Variants in DEUP1 observed in about 807,000 individuals in gnomAD.
DEUP1 encodes deuterosome assembly protein 1.
DEUP1 carries 82 observed loss-of-function variants against 87.4 expected under a neutral mutation model. The observed-to-expected ratio is 0.94, with a 90% CI of 0.78 to 1.13. DEUP1 has a LOEUF of 1.13. Ranked by LOEUF, DEUP1 falls within the 50% of genes most tolerant of loss-of-function variation. The pLI is 0.00. For synonymous variants in DEUP1, 214 were observed against 222.7 expected (o/e 0.96, Z 0.35); for missense variants, 663 against 681.5 (o/e 0.97, Z 0.30).
At chr11:93,332,733 A>G (rs993560760) in intron 2 of DEUP1, among the ~76,000 whole-genome samples, 1 of 152,256 alleles carries the variant, frequency 6.6e-6, no homozygotes, top group African/African-American at 2.4e-5. Flanking sequence ...AGAACTAGAT[A>G]TCTTACCAAA....
At chr11:93,429,723 G>T (rs1467974731) in intron 13 of DEUP1, among the ~76,000 whole-genome samples, 1 of 152,110 alleles carries the variant, frequency 6.6e-6, no homozygotes, top group African/African-American at 2.4e-5. Context: ...ACCTAAAATA[G>T]GGTCAGCACT....
At chr11:93,401,683 C>A (rs1947123569) in intron 11 of DEUP1, among the ~76,000 whole-genome samples, 1 of 151,726 alleles carries the variant, frequency 6.6e-6, no homozygotes. Flanking sequence ...CAATGAGATA[C>A]CACTTCACAC....
chr11:93,397,743 T>C (rs1357988860), intron 11 of DEUP1, among the ~76,000 whole-genome samples: 4 of 152,180 alleles, frequency 2.6e-5, no homozygotes, highest in Non-Finnish European at 5.9e-5. Flanking sequence ...TTTGCTTGCA[T>C]ATGCACACAT....
At chr11:93,375,189 T>A (rs1945978219) in intron 7 of DEUP1, among the ~76,000 whole-genome samples, 1 of 152,194 alleles carries the variant, frequency 6.6e-6, no homozygotes, top group Admixed American at 6.5e-5. Flanking sequence ...AGGAGCTTTT[T>A]GGATGAATCT....
At chr11:93,368,528 G>A (rs901324046) in intron 5 of DEUP1, among the ~76,000 whole-genome samples, 7 of 152,154 alleles carry the variant, frequency 4.6e-5, no homozygotes, top group Non-Finnish European at 7.3e-5. Flanking sequence ...ATGTCTTCAC[G>A]TGGCCAACAG....
chr11:93,335,216 T>C (rs1011771977), intron 2 of DEUP1, among the ~76,000 whole-genome samples: 1 of 144,684 alleles, frequency 6.9e-6, no homozygotes, highest in African/African-American at 2.4e-5. Context: ...CTTTTTATTA[T>C]TACTTTTTAA....
chr11:93,332,006 A>C (rs1011783156), intron 1 of DEUP1, among the ~76,000 whole-genome samples: 2 of 152,266 alleles, frequency 1.3e-5, no homozygotes, highest in African/African-American at 4.8e-5. Context: ...GTGCCTCTGC[A>C]CTCCAGCCTG....
intron 9 of DEUP1, among the ~76,000 whole-genome samples, chr11:93,391,362 TA>T (rs1247900728): frequency 6.6e-6 from 1 of 152,146 alleles, no homozygotes; most frequent in Non-Finnish European, 1.5e-5. Context: ...GTGAAAATAA[TA>T]AAAATAGTTT....
rs117602915 is a variant in DEUP1 at position 93,338,596 on chromosome 11, G to T, written c.29+6308G>T. ...TTTGTTTTGTTTTTTGTAGTGGTAG[G>T]GTCTCACTATGTTGCCTAGGTTGGT... On this transcript the variant is annotated intron_variant, in intron 2 of 13. Transcript: ENST00000298050. Among the ~76,000 whole-genome samples the T allele has an allele frequency of 7.9e-4, 120 of 151,570 alleles. No individual in the cohort carries two copies. The East Asian group carries it at 0.016, about 20-fold the overall frequency.
chr11:93,344,412 C>G (rs1944232032), intron 2 of DEUP1, among the ~76,000 whole-genome samples: 2 of 151,794 alleles, frequency 1.3e-5, no homozygotes, highest in Non-Finnish European at 3.0e-5. Flanking sequence ...AACTTAACTG[C>G]TTATCAGCCT....
chr11:93,415,572 C>A (rs1432008942), intron 13 of DEUP1, among the ~76,000 whole-genome samples: 1 of 151,974 alleles, frequency 6.6e-6, no homozygotes, highest in Non-Finnish European at 1.5e-5. Context: ...TAACTACCAC[C>A]CAAGTAATGA....
intron 13 of DEUP1, among the ~76,000 whole-genome samples, chr11:93,431,446 G>A (rs1051749906): frequency 6.6e-6 from 1 of 152,146 alleles, no homozygotes; most frequent in Non-Finnish European, 1.5e-5. Context: ...GGGGAAGTCC[G>A]ATATATGAGG....
At chr11:93,335,887 G>T (rs1943735024) in intron 2 of DEUP1, among the ~76,000 whole-genome samples, 1 of 152,186 alleles carries the variant, frequency 6.6e-6, no homozygotes, top group Admixed American at 6.5e-5. Context: ...AGCCAAGGCA[G>T]GTGGATCACC....
intron 2 of DEUP1, among the ~76,000 whole-genome samples, chr11:93,351,372 T>C (rs1944619054): frequency 3.9e-5 from 6 of 152,314 alleles, no homozygotes; most frequent in Admixed American, 3.9e-4. Flanking sequence ...ATTCATTCTT[T>C]AGAGATTTAT....
At chr11:93,380,412 T>C (rs572482129) in intron 7 of DEUP1, among the ~76,000 whole-genome samples, 1 of 152,276 alleles carries the variant, frequency 6.6e-6, no homozygotes, top group South Asian at 2.1e-4. Context: ...TGTTTTGTTT[T>C]GTTTTTGAGA....
chr11:93,414,983 C>T lies in DEUP1; in HGVS notation c.1524-17C>T. 7.2e-7 allele frequency: 1 copy of T among 1,386,462 alleles called. No homozygotes were observed. The highest frequency in any genetic ancestry group is 1.6e-5 in the South Asian group (1 of 61,934). The allele number at this position is 1,386,462 out of a possible 1,614,324, so 85.9% of individuals were successfully genotyped here. On this transcript the variant is annotated splice_polypyrimidine_tract_variant and intron_variant, in intron 12 of 13. Coordinates refer to ENST00000298050, the MANE Select transcript of DEUP1 (RefSeq NM_181645.4). ...TGTCCTTGATAGCAACAACAACAAC[C>T]ATTTCTTCTCTTTTAGACTTAGTCA...
chr11:93,356,610 C>T (rs1224940048), intron 3 of DEUP1, among the ~76,000 whole-genome samples: 2 of 152,040 alleles, frequency 1.3e-5, no homozygotes, highest in Non-Finnish European at 2.9e-5. Flanking sequence ...AAAAAAAAAG[C>T]TGAATTATAT....
At chr11:93,413,922 T>A (rs534489536) in intron 12 of DEUP1, among the ~76,000 whole-genome samples, 7 of 152,338 alleles carry the variant, frequency 4.6e-5, no homozygotes, top group African/African-American at 1.7e-4. Context: ...AGTCTCCTCA[T>A]CTGTGGATAG....
chr11:93,384,500 C>G (rs1045021228), intron 7 of DEUP1, among the ~76,000 whole-genome samples: 8 of 152,158 alleles, frequency 5.3e-5, no homozygotes, highest in African/African-American at 1.9e-4. Flanking sequence ...CTCCTTTTAC[C>G]TCTACTCTCT....
Sources: gnomAD v4.1 joint callset for allele counts (sites outside exome capture counted in the v4.1 genomes callset) on GRCh38, gnomAD v4.1.1 for gene constraint, MANE v1.5 for transcripts, NCBI Gene and HGNC (gene_info 2026-07-23, HGNC 2026-07-21) for gene names.